Variants in MAP3K3 observed in about 807,000 individuals in gnomAD.
The protein encoded by MAP3K3 is mitogen-activated protein kinase kinase kinase 3.
In MAP3K3, 12 loss-of-function variants were observed where a neutral mutation model predicts 80.9. That is an observed-to-expected ratio of 0.15 (90% confidence interval 0.10 to 0.24). The LOEUF (loss-of-function observed/expected upper bound fraction) is 0.24. Ranked by LOEUF, MAP3K3 falls within the 10% of genes least tolerant of loss-of-function variation. The pLI is 1.00. For missense variants in MAP3K3, 596 were observed against 834.7 expected (o/e 0.71, Z 3.52); for synonymous variants, 272 against 307.1 (o/e 0.89, Z 1.19).
Position 63,691,652 on chromosome 17 carries a change from G to A in MAP3K3, c.1345-81G>A. On this transcript the variant is annotated intron_variant, in intron 13 of 15. Coordinates refer to ENST00000361733, the MANE Select transcript of MAP3K3 (RefSeq NM_002401.5). The surrounding 1 kb of genome is among the most constrained non-coding windows in gnomAD (Gnocchi z 4.8). ...GAATTGAACAAATCACTCCTTTGCTGCCATGCTGGGGGCTGGAATGGGCTT... is the reference window on the plus strand; with the variant it reads ...GAATTGAACAAATCACTCCTTTGCTACCATGCTGGGGGCTGGAATGGGCTT... The A allele has an allele frequency of 6.5e-7, 1 of 1,547,172 alleles. No individual in the cohort carries two copies. Among genetic ancestry groups the A allele is most frequent in the South Asian group, 1.2e-5 (1 of 83,530 alleles).
At chr17:63,645,137 A>C (rs2034516813) in intron 2 of MAP3K3, among the ~76,000 whole-genome samples, 1 of 152,222 alleles carries the variant, frequency 6.6e-6, no homozygotes, top group South Asian at 2.1e-4. Context: ...TATTAAGCAC[A>C]AATATTATAT....
chr17:63,680,853 T>C (rs1362270222), intron 6 of MAP3K3, among the ~76,000 whole-genome samples: 1 of 151,766 alleles, frequency 6.6e-6, no homozygotes, highest in Non-Finnish European at 1.5e-5. Flanking sequence ...TCTCCTCCTC[T>C]GTTAAGTAAA....
intron 2 of MAP3K3, among the ~76,000 whole-genome samples, chr17:63,643,376 G>GCC (rs1408717604): frequency 1.3e-5 from 2 of 151,924 alleles, no homozygotes; most frequent in African/African-American, 4.8e-5. Flanking sequence ...GGCGACATGT[G>GCC]CCTGTTTGTA....
chr17:63,676,764 G>A (rs77877489), intron 6 of MAP3K3, among the ~76,000 whole-genome samples: 2,295 of 152,306 alleles, frequency 0.015, 58 homozygotes, highest in African/African-American at 0.051. Context: ...CAGAAGTCCA[G>A]TGCCCCTCAG....
Position 63,689,060 on chromosome 17 carries a change from T to C in MAP3K3, c.871+179T>C, listed in dbSNP as rs2035525128. 6.6e-6 allele frequency: 4 copies of C among 604,900 alleles called. No individual in the cohort carries two copies. Among genetic ancestry groups the C allele is most frequent in the Non-Finnish European group, 1.2e-5 (4 of 341,176 alleles). The allele number at this position is 604,900 out of a possible 1,614,324, so 37.5% of individuals were successfully genotyped here. Reference sequence around the variant, plus strand: ...AAACAAAAACAGGGAAGATAGTATTTGTAGACCAGATGCTGCCACTGGGAA... The same window carrying C: ...AAACAAAAACAGGGAAGATAGTATTCGTAGACCAGATGCTGCCACTGGGAA... On this transcript the variant is annotated intron_variant, in intron 10 of 15. Transcript: ENST00000361733. This position sits in a 1 kb window ranked among gnomAD's most constrained non-coding sequence, Gnocchi z 4.3.
intron 6 of MAP3K3, among the ~76,000 whole-genome samples, chr17:63,680,265 C>T (rs772520413): frequency 1.2e-4 from 18 of 152,084 alleles, no homozygotes; most frequent in South Asian, 2.1e-4. Context: ...ATTGCTGGGT[C>T]GTGGGAGAGA....
intron 2 of MAP3K3, among the ~76,000 whole-genome samples, chr17:63,642,163 A>G (rs964672982): frequency 6.6e-6 from 1 of 152,226 alleles, no homozygotes; most frequent in East Asian, 1.9e-4. Context: ...TCAAAGAAGC[A>G]TCTTTGTTTA....
chr17:63,636,618 G>T, intron 2 of MAP3K3: 1 of 198,854 alleles, frequency 5.0e-6, no homozygotes, highest in South Asian at 9.9e-5. Context: ...TGCTGGAGAA[G>T]AGCTTGCCTG....
intron 8 of MAP3K3, among the ~76,000 whole-genome samples, chr17:63,687,603 T>C (rs1239490874): frequency 3.3e-5 from 5 of 151,140 alleles, no homozygotes; most frequent in Middle Eastern, 3.4e-3. Flanking sequence ...GGCAGGAGAA[T>C]AGCTTGAACC....
chr17:63,628,867 T>C (rs938203852), intron 1 of MAP3K3, among the ~76,000 whole-genome samples: 2 of 152,210 alleles, frequency 1.3e-5, no homozygotes, highest in Admixed American at 1.3e-4. Flanking sequence ...CTTTTTCCAT[T>C]GACCTTTTCT....
intron 5 of MAP3K3, among the ~76,000 whole-genome samples, chr17:63,659,226 C>T (rs1035214274): frequency 2.6e-5 from 4 of 152,120 alleles, no homozygotes; most frequent in African/African-American, 9.7e-5. Context: ...ACATGTTTCT[C>T]TTGAGTCGAT....
Position 63,693,306 on chromosome 17 carries a change from TA to T in MAP3K3, c.1653-242del, listed in dbSNP as rs1354998396. On this transcript the variant is annotated intron_variant, in intron 15 of 15. Transcript: ENST00000361733. The surrounding 1 kb of genome is among the most constrained non-coding windows in gnomAD (Gnocchi z 4.2). ...CTATGGGTAGCTAATACAGTTATTG[TA>T]GAGTTCTTTCTGTCAAGTCTAAGTG... is the stretch of plus-strand genomic sequence containing the variant. 6.6e-6 allele frequency among the ~76,000 whole-genome samples: 1 copy of T among 152,220 alleles called. No homozygotes were observed. Among genetic ancestry groups the T allele is most frequent in the African/African-American group, 2.4e-5 (1 of 41,454 alleles).
chr17:63,678,713 C>T (rs1777772400), intron 6 of MAP3K3, among the ~76,000 whole-genome samples: 1 of 152,242 alleles, frequency 6.6e-6, no homozygotes, highest in South Asian at 2.1e-4. Flanking sequence ...TTCTGAACAA[C>T]TGACTTAATA....
intron 1 of MAP3K3, among the ~76,000 whole-genome samples, chr17:63,632,045 A>G (rs1005216103): frequency 2.6e-5 from 4 of 152,254 alleles, no homozygotes; most frequent in African/African-American, 7.2e-5. Context: ...ACCATATTAC[A>G]TTGTACTGTG....
intron 2 of MAP3K3, among the ~76,000 whole-genome samples, chr17:63,643,845 T>A (rs1212841993): frequency 1.3e-5 from 2 of 149,512 alleles, no homozygotes; most frequent in Non-Finnish European, 2.9e-5. Context: ...ATGGTAACTG[T>A]TTAGAATTTC....
At chr17:63,662,342 G>A (rs1013494521) in intron 5 of MAP3K3, among the ~76,000 whole-genome samples, 5 of 151,888 alleles carry the variant, frequency 3.3e-5, no homozygotes, top group Non-Finnish European at 7.4e-5. Context: ...CTGAGGCCGG[G>A]AGGTTGAGGC....
At position 63,687,350 on chromosome 17, in the gene MAP3K3, C is replaced by CAA. The variant is rs377122391; in HGVS notation, c.711-1164_711-1163dup. ...GAAACCCTGTCTCTACTAAAAAATA[C>CAA]AAAAAAAAAAAAAATAGCTGGGCGT... On this transcript the variant is annotated intron_variant, in intron 8 of 15. Coordinates refer to ENST00000361733, the MANE Select transcript of MAP3K3 (RefSeq NM_002401.5). Among the ~76,000 whole-genome samples the CAA allele has an allele frequency of 2.9e-3, 392 of 133,128 alleles. 1 individual carries two copies. The highest frequency in any genetic ancestry group is 7.9e-3 in the Middle Eastern group (2 of 254). 87.3% of individuals were successfully genotyped at this position (133,128 alleles called of 152,430 possible). A position where few individuals can be genotyped will look rare whatever the true frequency, so the allele number is the denominator to read the frequency against.
intron 1 of MAP3K3, among the ~76,000 whole-genome samples, chr17:63,623,563 C>A (rs1464889357): frequency 6.6e-6 from 1 of 152,188 alleles, no homozygotes; most frequent in Non-Finnish European, 1.5e-5. Context: ...TCAGTATTTA[C>A]AATTTCTACT....
chr17:63,689,820 C>A lies in MAP3K3; in HGVS notation c.1063+85C>A. ...GGCAAACAGCTGGGCCCCTGGGACC[C>A]TTAGGCTCAGCAGGTGGTGGCTTTG... On this transcript the variant is annotated intron_variant, in intron 11 of 15. Transcript: ENST00000361733. The surrounding 1 kb of genome is among the most constrained non-coding windows in gnomAD (Gnocchi z 4.3). The A allele has an allele frequency of 7.3e-7, 1 of 1,367,548 alleles. No homozygotes were observed. The highest frequency in any genetic ancestry group is 9.9e-7 in the Non-Finnish European group (1 of 1,008,964). 84.7% of individuals were successfully genotyped at this position (1,367,548 alleles called of 1,614,324 possible). A position where few individuals can be genotyped will look rare whatever the true frequency, so the allele number is the denominator to read the frequency against.
Sources: gnomAD v4.1 joint callset for allele counts (sites outside exome capture counted in the v4.1 genomes callset) on GRCh38, gnomAD v4.1.1 for gene constraint, Gnocchi (gnomAD v3.1) non-coding constraint, MANE v1.5 for transcripts, NCBI Gene and HGNC (gene_info 2026-07-23, HGNC 2026-07-21) for gene names.